Variants in TOPBP1 observed in about 807,000 individuals in gnomAD.
The protein encoded by TOPBP1 is DNA topoisomerase 2-binding protein 1.
In TOPBP1, 28 loss-of-function variants were observed where a neutral mutation model predicts 167.7. The ratio of observed to expected loss-of-function variants is 0.17; its 90% CI spans 0.12 to 0.23. The LOEUF is 0.23. TOPBP1 is among the 10% of genes least tolerant of loss of function. The pLI is 1.00. For missense variants in TOPBP1, 1,554 were observed against 1,809.6 expected (o/e 0.86, Z 2.56); for synonymous variants, 598 against 611.4 (o/e 0.98, Z 0.32).
chr3:133,629,888 G>C (rs1158504214), intron 14 of TOPBP1, among the ~76,000 whole-genome samples: 2 of 152,040 alleles, frequency 1.3e-5, no homozygotes, highest in Non-Finnish European at 2.9e-5. Flanking sequence ...CTGGGTTCAA[G>C]CGATTCTCCT....
intron 16 of TOPBP1, among the ~76,000 whole-genome samples, chr3:133,627,423 T>C (rs1283346910): frequency 1.3e-5 from 2 of 152,150 alleles, no homozygotes; most frequent in African/African-American, 4.8e-5. Flanking sequence ...AATTAGATAA[T>C]AACAGATAAG....
rs202000937 is a variant in TOPBP1, at chr3:133,640,113, A to G, written c.2079T>C (p.Thr693=). ...SNAKKGMFAS[T]HLILKERGGS... ...CACCACGTTCTTTCAGTATAAGATG[A>G]GTACTGGCAAACATGCCTTTCTTTG... Residue 693 remains threonine, a synonymous_variant, in exon 13 of 28, where the codon ACT becomes ACC. Coordinates refer to ENST00000260810, the MANE Select transcript of TOPBP1 (RefSeq NM_007027.4). 1 of 1,613,802 alleles carries G rather than the reference A, an allele frequency of 6.2e-7. No homozygotes were observed. The highest frequency in any genetic ancestry group is 1.7e-5 in the Admixed American group (1 of 59,946).
At chr3:133,623,791 A>G (rs1353489645) in intron 17 of TOPBP1, among the ~76,000 whole-genome samples, 1 of 152,236 alleles carries the variant, frequency 6.6e-6, no homozygotes, top group Non-Finnish European at 1.5e-5. Context: ...ATAATTATAA[A>G]CTTTCCATTC....
In TOPBP1 at chr3:133,656,678, C is replaced by T. The variant is rs781759068; in HGVS notation, c.543G>A (p.Glu181=). The T allele has an allele frequency of 1.3e-6, 2 of 1,588,580 alleles. No individual in the cohort carries two copies. The highest frequency in any genetic ancestry group is 4.5e-5 in the East Asian group (2 of 44,482). ...AAATATAAAAATGTCTTTCTTACTT[C>T]TCTTGTGACTTCTCCCAAAGTGTTT... The part of the protein sequence containing the change: ...WIKTLWEKSQ[E]KKITRYTDIN... Residue 181 remains glutamate, a splice_region_variant and synonymous_variant, in exon 5 of 28, where the codon GAG becomes GAA. Transcript: ENST00000260810.
chr3:133,612,044 C>CT (rs869235055), intron 24 of TOPBP1, among the ~76,000 whole-genome samples: 201 of 140,996 alleles, frequency 1.4e-3, no homozygotes, highest in Admixed American at 1.2e-3. Context: ...CCAACACTTA[C>CT]TTTTTTTTTT....
At chr3:133,640,592 G>C (rs1038279239) in intron 12 of TOPBP1, among the ~76,000 whole-genome samples, 8 of 152,072 alleles carry the variant, frequency 5.3e-5, no homozygotes, top group South Asian at 2.1e-4. Flanking sequence ...TGTATTTTTT[G>C]TAGAGATGGG....
intron 27 of TOPBP1, 68 bp from the exon 28 acceptor site, chr3:133,601,461 T>TAAAGAAAAAATCTA: frequency 8.0e-7 from 1 of 1,254,304 alleles, no homozygotes; most frequent in Non-Finnish European, 1.1e-6. Context: ...GTAATAGATT[T>TAAAGAAAAAATCTA]TTTCTTTAAA....
Position 133,646,154 on chromosome 3 carries a change from A to C in TOPBP1, c.1505-1791T>G, listed in dbSNP as rs186465136. Among the ~76,000 whole-genome samples the C allele has an allele frequency of 7.6e-3, 1,153 of 152,248 alleles. 10 individuals are homozygous for C. The highest frequency in any genetic ancestry group is 0.026 in the African/African-American group (1,062 of 41,556). On this transcript the variant is annotated intron_variant, in intron 10 of 27. Transcript: ENST00000260810. ...GAGCAAGACTGCATCTCAAAAAAAA[A>C]ACAAAAAACTCCCTTAAATCAAAAG...
chr3:133,653,461 T>C lies in TOPBP1; in HGVS notation c.806A>G (p.Asp269Gly). 6.2e-7 allele frequency: 1 copy of C among 1,612,860 alleles called. No individual in the cohort carries two copies. Among genetic ancestry groups the C allele is most frequent in the South Asian group, 1.1e-5 (1 of 90,866 alleles). ...VHCVTTQWFF[D>G]SIEKGFCQDE... ...CTGACAAAAACCTTTCTCAATACTG[T>C]CAAAAAACCACTGTGTGGTCACACA... is the stretch of plus-strand genomic sequence containing the variant. The change falls in exon 7 of 28, where the codon GAC (aspartate) becomes GGC (glycine). Residue 269 changes from aspartate to glycine, a missense_variant. Transcript: ENST00000260810.
At chr3:133,619,999 G>A (rs1347030468) in intron 20 of TOPBP1, among the ~76,000 whole-genome samples, 156 bp downstream of exon 20, 1 of 152,106 alleles carries the variant, frequency 6.6e-6, no homozygotes, top group Non-Finnish European at 1.5e-5. Context: ...CCCTTCACTA[G>A]TCTTGATATT....
chr3:133,637,101 CAAT>C (rs1419420076), intron 14 of TOPBP1, among the ~76,000 whole-genome samples: 2 of 151,990 alleles, frequency 1.3e-5, no homozygotes, highest in African/African-American at 4.8e-5. Flanking sequence ...CTCCAAAACA[CAAT>C]AAAAATTATT....
At chr3:133,644,649 C>A (rs560963780) in intron 10 of TOPBP1, among the ~76,000 whole-genome samples, 2 of 152,168 alleles carry the variant, frequency 1.3e-5, no homozygotes, top group Non-Finnish European at 2.9e-5. Context: ...ATAGCTCCAA[C>A]AGGACTTAGT....
At chr3:133,630,086 A>G (rs1489741162) in intron 14 of TOPBP1, among the ~76,000 whole-genome samples, 1 of 151,618 alleles carries the variant, frequency 6.6e-6, no homozygotes, top group Non-Finnish European at 1.5e-5. Context: ...GCGCCTGGCT[A>G]TATGTATATT....
chr3:133,629,025 T>C (rs1935371275), intron 14 of TOPBP1, among the ~76,000 whole-genome samples: 1 of 152,262 alleles, frequency 6.6e-6, no homozygotes, highest in Non-Finnish European at 1.5e-5. Flanking sequence ...TGCTTGTCTC[T>C]TACCTGAATC....
At chr3:133,623,486 G>T in intron 17 of TOPBP1, 29 bp from the exon 18 acceptor site, 1 of 1,574,654 alleles carries the variant, frequency 6.4e-7, no homozygotes, top group South Asian at 1.2e-5. Context: ...CTTTAAGACA[G>T]GACTGACAAA....
intron 27 of TOPBP1, among the ~76,000 whole-genome samples, chr3:133,605,946 A>G (rs1934477760): frequency 1.3e-5 from 2 of 152,156 alleles, no homozygotes; most frequent in Admixed American, 6.5e-5. Flanking sequence ...CTGTAATCCC[A>G]GTACTTTGGG....
At chr3:133,602,031 G>T (rs1934321867) in intron 27 of TOPBP1, among the ~76,000 whole-genome samples, 1 of 152,178 alleles carries the variant, frequency 6.6e-6, no homozygotes, top group African/African-American at 2.4e-5. Context: ...CGCAAACACA[G>T]TGTATGAAGT....
At chr3:133,612,218 T>C (rs1934705069) in intron 24 of TOPBP1, among the ~76,000 whole-genome samples, 171 bp downstream of exon 24, 1 of 151,926 alleles carries the variant, frequency 6.6e-6, no homozygotes. Context: ...ATCTTTGTAG[T>C]TTTAGTAGAG....
chr3:133,661,544 A>C (rs1266586456), intron 1 of TOPBP1, among the ~76,000 whole-genome samples: 1 of 152,222 alleles, frequency 6.6e-6, no homozygotes, highest in African/African-American at 2.4e-5. Flanking sequence ...GCCAGTTAGC[A>C]TGGTCTTGGC....
Sources: allele counts gnomAD v4.1 joint callset (sites outside exome capture counted in the v4.1 genomes callset), GRCh38; gene constraint gnomAD v4.1.1; transcripts MANE v1.5; gene names NCBI Gene and HGNC (gene_info 2026-07-23, HGNC 2026-07-21).